DAB1: variants seen among roughly 807,000 people sequenced by gnomAD.
DAB1 encodes DAB adaptor protein 1.
Under a neutral mutation model 64.6 loss-of-function variants are expected in DAB1, and 15 were observed. The ratio of observed to expected loss-of-function variants is 0.23; its 90% confidence interval spans 0.16 to 0.36. The LOEUF (loss-of-function observed/expected upper bound fraction) is 0.36, where lower values mean the gene tolerates loss of function less well. DAB1 is among the 10% of genes least tolerant of loss of function. The pLI is 1.00. For missense variants in DAB1, 596 were observed against 706.7 expected, an observed-to-expected ratio of 0.84 and a Z score of 1.78; for synonymous variants, 235 against 251.9, an observed-to-expected ratio of 0.93 and a Z score of 0.64.
chr1:57,354,967 A>G (rs748589999), intron 1 of DAB1, among the ~76,000 whole-genome samples: 4 of 152,146 alleles, frequency 2.6e-5, no homozygotes, highest in Non-Finnish European at 4.4e-5. Flanking sequence ...CTTCTCCACG[A>G]TTAGCAGAGT....
At chr1:57,644,911 G>C (rs921297017) in intron 7 of DAB1, among the ~76,000 whole-genome samples, 2 of 152,114 alleles carry the variant, frequency 1.3e-5, no homozygotes. Context: ...TGAGAACCTT[G>C]GTTTTTACTG....
At chr1:58,480,026 C>A (rs1645458074) in intron 3 of DAB1, among the ~76,000 whole-genome samples, 1 of 152,086 alleles carries the variant, frequency 6.6e-6, no homozygotes, top group Admixed American at 6.6e-5. Context: ...ATAACCTAAG[C>A]ATCACTAGAC....
intron 3 of DAB1, among the ~76,000 whole-genome samples, chr1:58,357,000 T>G (rs1019649555): frequency 7.8e-6 from 1 of 128,524 alleles, no homozygotes; most frequent in African/African-American, 3.0e-5. Flanking sequence ...CACTCCATCC[T>G]GGGCAACAGA....
chr1:58,220,460 G>A (rs923844556), intron 4 of DAB1, among the ~76,000 whole-genome samples: 3 of 152,126 alleles, frequency 2.0e-5, no homozygotes, highest in African/African-American at 7.2e-5. Flanking sequence ...GGAAACCAAA[G>A]ACTATTTGTT....
rs1646255454 is a variant in DAB1 at position 57,011,182 on chromosome 1, C to T, written c.1535G>A (p.Gly512Asp). The change falls in exon 13 of 15, where the codon GGC becomes GAC. Residue 512 changes from glycine to aspartate, a missense_variant. By Grantham distance (94) the Gly-to-Asp change is moderately conservative. Transcript: ENST00000371236. ...TTCGCTTTTGCTGGGACTTTCAAAG[C>T]CCTCTTCAAAGATGTCATCTGTGGT... ...DPTTDDIFEE[G>D]FESPSKSEEQ... The T allele has an allele frequency of 6.2e-7, 1 of 1,614,044 alleles. No individual in the cohort carries two copies. Among genetic ancestry groups the T allele is most frequent in the Non-Finnish European group, 8.5e-7 (1 of 1,179,916 alleles).
At chr1:58,526,049 A>T (rs927946710) in intron 2 of DAB1, among the ~76,000 whole-genome samples, 2 of 152,156 alleles carry the variant, frequency 1.3e-5, no homozygotes, top group African/African-American at 4.8e-5. Flanking sequence ...TTTTAAAAAT[A>T]GTAAAGTTTA....
At chr1:57,457,084 T>A (rs1207859167) in intron 7 of DAB1, among the ~76,000 whole-genome samples, 5 of 152,100 alleles carry the variant, frequency 3.3e-5, no homozygotes, top group African/African-American at 1.2e-4. Context: ...TTGGCAGAGA[T>A]GATAGACAAA....
intron 5 of DAB1, among the ~76,000 whole-genome samples, chr1:57,955,098 G>C (rs1645361550): frequency 6.6e-6 from 1 of 152,160 alleles, no homozygotes; most frequent in Non-Finnish European, 1.5e-5. Flanking sequence ...TGTCTTCTCT[G>C]TGTCTGAAAA....
chr1:58,066,138 T>C (rs896185755), intron 5 of DAB1, among the ~76,000 whole-genome samples: 1 of 152,174 alleles, frequency 6.6e-6, no homozygotes, highest in Non-Finnish European at 1.5e-5. Flanking sequence ...GAGCAAGTGA[T>C]GAAAGAGGCT....
intron 4 of DAB1, among the ~76,000 whole-genome samples, chr1:57,098,308 C>G (rs1038706015): frequency 6.6e-6 from 1 of 152,004 alleles, no homozygotes; most frequent in Non-Finnish European, 1.5e-5. Context: ...TCAGTACAAC[C>G]CTGTAGGATA....
At chr1:57,536,095 T>C (rs1175096931) in intron 7 of DAB1, among the ~76,000 whole-genome samples, 1 of 152,202 alleles carries the variant, frequency 6.6e-6, no homozygotes, top group African/African-American at 2.4e-5. Context: ...TGTCCTCCTT[T>C]GATCAGCAAA....
intron 5 of DAB1, among the ~76,000 whole-genome samples, chr1:57,929,002 A>G (rs1644918423): frequency 6.6e-6 from 1 of 152,146 alleles, no homozygotes; most frequent in African/African-American, 2.4e-5. Context: ...TTAGTTTTGT[A>G]AAAAAACTGC....
chr1:57,714,617 G>A lies in DAB1; in HGVS notation n.552-64952C>T, dbSNP rs576014207. On this transcript the variant is annotated intron_variant and non_coding_transcript_variant, in intron 6 of 20. Coordinates refer to the DAB1 transcript ENST00000485760. ...ACACCATATTTGTTCTTGGAGATCC[G>A]GGAAGCCCCACGTGGCTGCACAATA... is the stretch of plus-strand genomic sequence containing the variant. Among the ~76,000 whole-genome samples, 18 of 152,250 alleles carry A rather than the reference G, an allele frequency of 1.2e-4. 1 individual carries two copies. Among genetic ancestry groups the A allele is most frequent in the Non-Finnish European group, 1.5e-4 (10 of 68,028 alleles).
chr1:58,461,487 C>T (rs772194298), intron 3 of DAB1, among the ~76,000 whole-genome samples: 11 of 152,152 alleles, frequency 7.2e-5, no homozygotes, highest in South Asian at 2.1e-4. Flanking sequence ...AAGGCTTTGG[C>T]GGGCCAGTGC....
At chr1:57,384,160 A>G (rs1386965662) in intron 1 of DAB1, among the ~76,000 whole-genome samples, 2 of 152,214 alleles carry the variant, frequency 1.3e-5, no homozygotes, top group Admixed American at 6.5e-5. Context: ...ATCACCAATC[A>G]TTAGGAAAAT....
chr1:57,132,559 A>C (rs1657731369), intron 4 of DAB1, among the ~76,000 whole-genome samples: 1 of 152,166 alleles, frequency 6.6e-6, no homozygotes, highest in African/African-American at 2.4e-5. Context: ...TGCTCAAAGG[A>C]AATGCTCATT....
rs577120595 is a variant in DAB1, at chr1:57,979,172, A to G, written n.388-95010T>C. 1.8e-3 allele frequency among the ~76,000 whole-genome samples: 274 copies of G among 152,332 alleles called. 3 individuals carry two copies. Among genetic ancestry groups the G allele is most frequent in the African/African-American group, 6.3e-3 (260 of 41,570 alleles). On this transcript the variant is annotated intron_variant and non_coding_transcript_variant, in intron 5 of 20. Transcript: ENST00000485760. ...AGACTTGGAACTAACCCAAATGTCC[A>G]TCAATAATAGACTGGATAAAGAAAA...
chr1:57,451,987 A>G (rs1186148516), intron 7 of DAB1, among the ~76,000 whole-genome samples: 1 of 151,896 alleles, frequency 6.6e-6, no homozygotes, highest in Non-Finnish European at 1.5e-5. Context: ...TTCATTCATT[A>G]TTGCACGTGA....
chr1:57,980,703 T>C (rs1157124465), intron 5 of DAB1, among the ~76,000 whole-genome samples: 1 of 152,182 alleles, frequency 6.6e-6, no homozygotes, highest in African/African-American at 2.4e-5. Flanking sequence ...GGATATGAAA[T>C]GGCATATGAT....
Sources: gnomAD v4.1 joint callset for allele counts (sites outside exome capture counted in the v4.1 genomes callset) on GRCh38, gnomAD v4.1.1 for gene constraint, MANE v1.5 for transcripts, NCBI Gene and HGNC (gene_info 2026-07-23, HGNC 2026-07-21) for gene names.